GPRIN2: variants seen among roughly 807,000 people sequenced by gnomAD.
The protein encoded by GPRIN2 is G protein-regulated inducer of neurite outgrowth 2.
In GPRIN2, 1 loss-of-function variant was observed where a neutral mutation model predicts 0.3. The ratio of observed to expected loss-of-function variants is 3.90; its 90% CI spans 1.39 to 18.51. GPRIN2 has a LOEUF of 18.51. Ranked by LOEUF, GPRIN2 falls within the 30% of genes most tolerant of loss-of-function variation. The pLI, the probability that GPRIN2 is intolerant of heterozygous loss-of-function variation, is 0.11. For missense variants in GPRIN2, 880 were observed against 604.2 expected (o/e 1.46, Z -4.79); for synonymous variants, 361 against 258.6 (o/e 1.40, Z -3.80).
chr10:46,550,692 G>A lies in GPRIN2; in HGVS notation c.45C>T (p.Ser15=). Residue 15 remains serine, a synonymous_variant, in exon 3 of 3, where the codon AGC becomes AGT. Transcript: ENST00000374314. ...TCTGGGACAGGGGCTGAAGGCGGGG[G>A]CTCAGGGGTGCCCAGGGACCCGGCT... is the stretch of plus-strand genomic sequence containing the variant. The part of the protein sequence containing the change: ...RPEPGPWAPL[S]PRLQPLSQSS... The A allele has an allele frequency of 1.3e-6, 2 of 1,511,362 alleles. No individual in the cohort carries two copies. Among genetic ancestry groups the A allele is most frequent in the Non-Finnish European group, 8.8e-7 (1 of 1,132,506 alleles). The allele number at this position is 1,511,362 out of a possible 1,614,324, so 93.6% of individuals were successfully genotyped here. A position where few individuals can be genotyped will look rare whatever the true frequency, so the allele number is the denominator to read the frequency against.
Position 46,547,018 on chromosome 10 carries a change from C to T in GPRIN2, c.*2342G>A, listed in dbSNP as rs1457276761. On this transcript the variant is annotated 3_prime_UTR_variant, in exon 3 of 3. Coordinates refer to ENST00000374314, the MANE Select transcript of GPRIN2 (RefSeq NM_001385282.1). ...AATGCATAAGAATCTGCACGTGACA[C>T]AGAAGAAAGTCTCTTCATGAAGTAG... is the stretch of plus-strand genomic sequence containing the variant. Among the ~76,000 whole-genome samples the T allele has an allele frequency of 2.6e-5, 4 of 152,308 alleles. No individual in the cohort carries two copies. Among genetic ancestry groups the T allele is most frequent in the Non-Finnish European group, 5.9e-5 (4 of 68,058 alleles).
intron 1 of GPRIN2, among the ~76,000 whole-genome samples, chr10:46,555,704 C>T (rs1843121074): frequency 1.3e-5 from 2 of 152,430 alleles, no homozygotes; most frequent in South Asian, 4.1e-4. Flanking sequence ...CCCAACAGCC[C>T]CTGAGCTTCC....
chr10:46,551,590 G>T, intron 2 of GPRIN2: 1 of 805,398 alleles, frequency 1.2e-6, no homozygotes, highest in Non-Finnish European at 1.5e-6. Flanking sequence ...GGACGGTGCA[G>T]CAGTGAGATA....
At chr10:46,552,310 A>T (rs1832126825) in intron 2 of GPRIN2, among the ~76,000 whole-genome samples, 3 of 152,412 alleles carry the variant, frequency 2.0e-5, no homozygotes, top group Non-Finnish European at 4.4e-5. Context: ...TAGGGAGATC[A>T]CTCTGGGACT....
chr10:46,556,102 G>A (rs1170982863), intron 1 of GPRIN2, among the ~76,000 whole-genome samples: 3 of 152,428 alleles, frequency 2.0e-5, no homozygotes, highest in South Asian at 2.1e-4. Context: ...GCTGTGGGCC[G>A]GGGTAATGAT....
rs1832967234 is a variant in GPRIN2 at position 46,544,892 on chromosome 10, C to T, written c.*4468G>A. On this transcript the variant is annotated 3_prime_UTR_variant, in exon 3 of 3. Coordinates refer to ENST00000374314, the MANE Select transcript of GPRIN2 (RefSeq NM_001385282.1). ...TGGATTTGGAGGGACCTGGGAATCT[C>T]ACAGACCTATGGGATGTCCCAGTGA... 3.8e-3 allele frequency among the ~76,000 whole-genome samples: 579 copies of T among 152,074 alleles called. No homozygotes were observed. Among genetic ancestry groups the T allele is most frequent in the African/African-American group, 0.013 (547 of 41,290 alleles).
In GPRIN2 at chr10:46,550,208, CCAGGTCCCTTTCCAGGCCTG is replaced by C. The variant is rs1842481646; in HGVS notation, c.509_528del (p.Ala170GlyfsTer3). 6.2e-7 allele frequency: 1 copy of C among 1,601,904 alleles called. No individual in the cohort carries two copies. The highest frequency in any genetic ancestry group is 8.5e-7 in the Non-Finnish European group (1 of 1,173,910). ...GAGTTAGAAGTCTCATCCTCAGGAG[CCAGGTCCCTTTCCAGGCCTG>C]CAGGGGCCTGGCCACCCTGGCCAGA... On this transcript the variant is annotated frameshift_variant, in exon 3 of 3. Coordinates refer to ENST00000374314, the MANE Select transcript of GPRIN2 (RefSeq NM_001385282.1). LOFTEE classifies it low-confidence loss of function (END_TRUNC).
chr10:46,542,692 G>T lies in GPRIN2; in HGVS notation c.*6668C>A, dbSNP rs1202705444. 6.6e-6 allele frequency among the ~76,000 whole-genome samples: 1 copy of T among 152,312 alleles called. No homozygotes were observed. Among genetic ancestry groups the T allele is most frequent in the East Asian group, 1.9e-4 (1 of 5,208 alleles). ...TAGCAGCATGAAAATGGACTAATATGGAGGGGTCAAAGACAGAAATCTCCT... is the reference window on the plus strand; with the variant it reads ...TAGCAGCATGAAAATGGACTAATATTGAGGGGTCAAAGACAGAAATCTCCT... On this transcript the variant is annotated 3_prime_UTR_variant, in exon 3 of 3. Coordinates refer to ENST00000374314, the MANE Select transcript of GPRIN2 (RefSeq NM_001385282.1).
rs977468795 is a variant in GPRIN2 at position 46,549,122 on chromosome 10, T to A, written c.*238A>T. On this transcript the variant is annotated 3_prime_UTR_variant, in exon 3 of 3. Coordinates refer to ENST00000374314, the MANE Select transcript of GPRIN2 (RefSeq NM_001385282.1). ...CAGTGCTAAAGCCCTGTCTCAAAGTTCAGAGCCCGGAAGGTGCAGAGATGT... is the reference window on the plus strand; with the variant it reads ...CAGTGCTAAAGCCCTGTCTCAAAGTACAGAGCCCGGAAGGTGCAGAGATGT... The A allele has an allele frequency of 4.0e-6, 2 of 501,044 alleles. No homozygotes were observed. The highest frequency in any genetic ancestry group is 6.9e-6 in the Non-Finnish European group (2 of 288,940). The allele number at this position is 501,044 out of a possible 1,614,324, so 31.0% of individuals were successfully genotyped here. A position where few individuals can be genotyped will look rare whatever the true frequency, so the allele number is the denominator to read the frequency against.
Position 46,542,076 on chromosome 10 carries a change from C to A in GPRIN2, c.*7284G>T, listed in dbSNP as rs1163663665. ...TTGCAGGCTGGGCTTACAAAAGCCA[C>A]AAAGCTTGTGTACAAAATGACACCC... On this transcript the variant is annotated 3_prime_UTR_variant, in exon 3 of 3. Transcript: ENST00000374314. Among the ~76,000 whole-genome samples the A allele has an allele frequency of 2.6e-5, 4 of 152,300 alleles. No homozygotes were observed. Among genetic ancestry groups the A allele is most frequent in the Non-Finnish European group, 5.9e-5 (4 of 68,046 alleles).
In GPRIN2 at chr10:46,546,551, T is replaced by C. The variant is rs908090635; in HGVS notation, c.*2809A>G. ...CACATCAACAGTGAACTCCAACACCTCCCAGAGCAGGGCCTGAAAGGGACC... is the reference window on the plus strand; with the variant it reads ...CACATCAACAGTGAACTCCAACACCCCCCAGAGCAGGGCCTGAAAGGGACC... On this transcript the variant is annotated 3_prime_UTR_variant, in exon 3 of 3. Coordinates refer to ENST00000374314, the MANE Select transcript of GPRIN2 (RefSeq NM_001385282.1). 2.6e-5 allele frequency among the ~76,000 whole-genome samples: 4 copies of C among 152,306 alleles called. No individual in the cohort carries two copies. Among genetic ancestry groups the C allele is most frequent in the Non-Finnish European group, 5.9e-5 (4 of 68,054 alleles).
intron 1 of GPRIN2, among the ~76,000 whole-genome samples, 38 bp downstream of exon 1, chr10:46,556,460 C>T (rs1323627471): frequency 1.3e-5 from 2 of 152,282 alleles, no homozygotes; most frequent in East Asian, 1.9e-4. Flanking sequence ...CCACCACGCC[C>T]CCCGCCCCAA....
rs1832393184 is a variant in GPRIN2 at position 46,550,364 on chromosome 10, C to G, written c.373G>C (p.Val125Leu). 1 of 1,612,862 alleles carries G rather than the reference C, an allele frequency of 6.2e-7. No individual in the cohort carries two copies. The highest frequency in any genetic ancestry group is 1.1e-5 in the South Asian group (1 of 91,038). ...AAMQRSHSDLVRSTQMRGHSG... is the reference protein window; with the variant it reads ...AAMQRSHSDLLRSTQMRGHSG... ...TGTCCCCGCATCTGGGTGCTACGGA[C>G]CAGGTCTGAATGGCTCCTCTGCATA... The change falls in exon 3 of 3, where the codon GTC (valine) becomes CTC (leucine). Residue 125 changes from valine (V) to leucine (L), a missense_variant. Coordinates refer to ENST00000374314, the MANE Select transcript of GPRIN2 (RefSeq NM_001385282.1).
At position 46,544,321 on chromosome 10, in the gene GPRIN2, T is replaced by C. The variant is rs1197287051; in HGVS notation, c.*5039A>G. Among the ~76,000 whole-genome samples the C allele has an allele frequency of 2.6e-5, 4 of 152,308 alleles. No individual in the cohort carries two copies. The highest frequency in any genetic ancestry group is 7.2e-5 in the African/African-American group (3 of 41,486). On this transcript the variant is annotated 3_prime_UTR_variant, in exon 3 of 3. Coordinates refer to ENST00000374314, the MANE Select transcript of GPRIN2 (RefSeq NM_001385282.1). ...GCAAGAAGGTAGAGTCCATACTTCT[T>C]TCTTGTCTTTTTCTTTTTTTGAAAC...
rs1477439779 is a variant in GPRIN2, at chr10:46,542,572, C to T, written c.*6788G>A. ...CATGATTGTAAGTTTCCTGAGGCTT[C>T]CTGTAAGTTTCCTGAGGCTCCCCGG... On this transcript the variant is annotated 3_prime_UTR_variant, in exon 3 of 3. Transcript: ENST00000374314. 6.6e-6 allele frequency among the ~76,000 whole-genome samples: 1 copy of T among 152,306 alleles called. No homozygotes were observed. Among genetic ancestry groups the T allele is most frequent in the African/African-American group, 2.4e-5 (1 of 41,484 alleles).
chr10:46,551,850 T>C (rs1252721911), intron 2 of GPRIN2, among the ~76,000 whole-genome samples: 2 of 152,310 alleles, frequency 1.3e-5, no homozygotes, highest in Non-Finnish European at 1.5e-5. Flanking sequence ...TGACTGAGCA[T>C]TGGGCCTGCA....
At position 46,551,573 on chromosome 10, in the gene GPRIN2, C is replaced by T. The variant is rs1055689374; in HGVS notation, c.-6-831G>A. The T allele has an allele frequency of 6.5e-6, 6 of 921,512 alleles. No individual in the cohort carries two copies. The African/African-American group carries it at 1.1e-4, about 17-fold the overall frequency. The allele number at this position is 921,512 out of a possible 1,614,324, so 57.1% of individuals were successfully genotyped here. On this transcript the variant is annotated intron_variant, in intron 2 of 2. Coordinates refer to ENST00000374314, the MANE Select transcript of GPRIN2 (RefSeq NM_001385282.1). The stretch of plus-strand genomic sequence containing the variant: ...TGGGATTCATTCAGACCTTTCTGTA[C>T]CCCTGGGGACGGTGCAGCAGTGAGA...
At position 46,541,987 on chromosome 10, in the gene GPRIN2, A is replaced by G. The variant is rs4076739; in HGVS notation, c.*7373T>C. 2.6e-5 allele frequency among the ~76,000 whole-genome samples: 4 copies of G among 152,146 alleles called. No individual in the cohort carries two copies. The highest frequency in any genetic ancestry group is 9.7e-5 in the African/African-American group (4 of 41,442). On this transcript the variant is annotated 3_prime_UTR_variant, in exon 3 of 3. Coordinates refer to ENST00000374314, the MANE Select transcript of GPRIN2 (RefSeq NM_001385282.1). ...AAATCTTCACAAGAAGCCCTTGCCC[A>G]TCTCCCTGAATACCCCCAACTCTGA... is the stretch of plus-strand genomic sequence containing the variant.
At position 46,550,128 on chromosome 10, in the gene GPRIN2, G is replaced by C. The variant is rs372270078; in HGVS notation, c.609C>G (p.Asp203Glu). Residue 203 changes from aspartate to glutamate, a missense_variant, in exon 3 of 3, where the codon GAC (aspartate) becomes GAG (glutamate). By Grantham distance (45) the Asp-to-Glu change is conservative (BLOSUM62 2). Coordinates refer to ENST00000374314, the MANE Select transcript of GPRIN2 (RefSeq NM_001385282.1). The stretch of plus-strand genomic sequence containing the variant: ...GGGCACTGCTGCTGTGGGCAGTTGT[G>C]TCCCCCAGGTCTAGTGGTGGCACTG... ...QLSVPPLDLG[D>E]TTAHSSSAQA... is the part of the protein sequence containing the mutation. 6 of 1,606,982 alleles carry C rather than the reference G, an allele frequency of 3.7e-6. No homozygotes were observed. Among genetic ancestry groups the C allele is most frequent in the Non-Finnish European group, 5.1e-6 (6 of 1,176,014 alleles).
Sources: gnomAD v4.1 joint callset for allele counts (sites outside exome capture counted in the v4.1 genomes callset) on GRCh38, gnomAD v4.1.1 for gene constraint, MANE v1.5 for transcripts, NCBI Gene and HGNC (gene_info 2026-07-23, HGNC 2026-07-21) for gene names.